Variants in NLRC5 observed in about 807,000 individuals in gnomAD.
The protein encoded by NLRC5 is NLR family CARD domain containing 5.
A neutral mutation model predicts 206.9 loss-of-function variants in NLRC5; 114 were observed. The ratio of observed to expected loss-of-function variants is 0.55; its 90% confidence interval spans 0.47 to 0.64. The LOEUF (loss-of-function observed/expected upper bound fraction) is 0.64, where lower values mean the gene tolerates loss of function less well. Among genes scored for constraint, NLRC5 ranks in the 30% least tolerant of loss-of-function variants. The probability of loss-of-function intolerance (pLI) is 0.00; values close to 1 mark genes in which losing one functional copy is unlikely to be tolerated. For synonymous variants in NLRC5, 952 were observed against 962.8 expected (o/e 0.99, Z 0.21); for missense variants, 2,008 against 2,305.5 (o/e 0.87, Z 2.64).
At chr16:57,032,233 ACCC>A (rs1473374251) in intron 11 of NLRC5, among the ~76,000 whole-genome samples, 1 of 151,280 alleles carries the variant, frequency 6.6e-6, no homozygotes, top group African/African-American at 2.4e-5. Flanking sequence ...ACATAGCAAG[ACCC>A]CATCTCTAAA....
chr16:57,041,448 G>T, intron 17 of NLRC5, 37 bp from the exon 18 acceptor site: 1 of 1,578,224 alleles, frequency 6.3e-7, no homozygotes, highest in Non-Finnish European at 8.7e-7. Flanking sequence ...CCTCTGTTCA[G>T]TGGGGCATGC....
intron 38 of NLRC5, among the ~76,000 whole-genome samples, chr16:57,072,353 G>T (rs2067887938): frequency 6.6e-6 from 1 of 152,150 alleles, no homozygotes; most frequent in Non-Finnish European, 1.5e-5. Context: ...AATCACTGTG[G>T]CTGTGAGCAC....
intron 40 of NLRC5, 38 bp downstream of exon 40, chr16:57,076,940 T>C: frequency 6.3e-7 from 1 of 1,595,586 alleles, no homozygotes; most frequent in Non-Finnish European, 8.6e-7. Context: ...CAGGACAATT[T>C]TGGCCGGGAA....
rs199475974 is a variant in NLRC5 at position 57,026,568 on chromosome 16, C to A, written c.1625C>A (p.Thr542Asn). The A allele has an allele frequency of 6.2e-7, 1 of 1,614,204 alleles. No homozygotes were observed. Residue 542 changes from threonine (T) to asparagine (N), a missense_variant, in exon 6 of 49, where the codon ACC becomes AAC. By Grantham distance (65) the Thr-to-Asn change is moderately conservative. Coordinates refer to ENST00000688547, the MANE Select transcript of NLRC5 (RefSeq NM_001384950.1). Reference protein sequence around the residue: ...VNKDTLTQYVTLHSRWVQRTK... With the variant: ...VNKDTLTQYVNLHSRWVQRTK... ...AAAGACACACTTACCCAGTATGTTA[C>A]CCTCCATTCCCGCTGGGTACAGCGG...
chr16:57,079,016 C>A, intron 43 of NLRC5, 34 bp from the exon 44 acceptor site: 1 of 1,597,786 alleles, frequency 6.3e-7, no homozygotes, highest in South Asian at 1.1e-5. Flanking sequence ...ACGCCAGTCC[C>A]TCAGGCTCCT....
intron 1 of NLRC5, among the ~76,000 whole-genome samples, chr16:56,990,271 G>A (rs1567486621): frequency 6.6e-6 from 1 of 152,152 alleles, no homozygotes; most frequent in Non-Finnish European, 1.5e-5. Context: ...AGACAGCATA[G>A]CATCTCAACT....
intron 8 of NLRC5, among the ~76,000 whole-genome samples, chr16:57,028,655 CAGG>C: frequency 6.6e-6 from 1 of 152,304 alleles, no homozygotes; most frequent in Admixed American, 6.5e-5. Flanking sequence ...TCTGAAATCC[CAGG>C]AGAAGGGATA....
chr16:57,009,550 G>A (rs995552046), intron 1 of NLRC5, among the ~76,000 whole-genome samples: 3 of 151,766 alleles, frequency 2.0e-5, no homozygotes, highest in African/African-American at 4.8e-5. Context: ...CTGAGATCAC[G>A]CCACTGCACT....
chr16:57,040,844 A>G (rs2063189660), intron 17 of NLRC5, 126 bp downstream of exon 17: 3 of 896,558 alleles, frequency 3.3e-6, no homozygotes, highest in Non-Finnish European at 5.3e-6. Context: ...TGCTGTGTCC[A>G]GGGGTCATGG....
intron 14 of NLRC5, among the ~76,000 whole-genome samples, 200 bp downstream of exon 14, chr16:57,036,383 C>A (rs1597288190): frequency 6.6e-6 from 1 of 152,236 alleles, no homozygotes; most frequent in East Asian, 1.9e-4. Flanking sequence ...TCATCTAGCA[C>A]CCTTACATGT....
Position 57,026,942 on chromosome 16 carries a change from C to G in NLRC5, c.1999C>G (p.Leu667Val), listed in dbSNP as rs1182428137. 1.2e-6 allele frequency: 2 copies of G among 1,614,160 alleles called. No homozygotes were observed. The highest frequency in any genetic ancestry group is 2.2e-5 in the South Asian group (2 of 91,082). The change falls in exon 6 of 49, where the codon CTG (leucine) becomes GTG (valine). Residue 667 changes from leucine (L) to valine (V), a missense_variant. Leu to Val is a conservative substitution (Grantham distance 32). Transcript: ENST00000688547. The stretch of plus-strand genomic sequence containing the variant: ...AGAGCACAGGGAGGCCCCCATCCAC[C>G]TGGATTTTGATGGCTGTCCCCTGGA... ...ILEHREAPIH[L>V]DFDGCPLEPH...
chr16:57,013,230 T>C, intron 1 of NLRC5: 1 of 505,552 alleles, frequency 2.0e-6, no homozygotes, highest in East Asian at 4.8e-5. Context: ...AAATCCTTGG[T>C]AAAGCCACAT....
At position 57,026,562 on chromosome 16, in the gene NLRC5, A is replaced by G. The variant is rs199912823; in HGVS notation, c.1619A>G (p.Tyr540Cys). ...PKVNKDTLTQYVTLHSRWVQR... is the reference protein window; with the variant it reads ...PKVNKDTLTQCVTLHSRWVQR... ...GTGAACAAAGACACACTTACCCAGT[A>G]TGTTACCCTCCATTCCCGCTGGGTA... Residue 540 changes from tyrosine (Y) to cysteine (C), a missense_variant, in exon 6 of 49, where the codon TAT (tyrosine) becomes TGT (cysteine). Tyr to Cys is a radical substitution (Grantham distance 194). Coordinates refer to ENST00000688547, the MANE Select transcript of NLRC5 (RefSeq NM_001384950.1). The G allele has an allele frequency of 5.5e-4, 889 of 1,614,190 alleles. No homozygotes were observed. The highest frequency in any genetic ancestry group is 7.1e-4 in the Non-Finnish European group (833 of 1,180,030).
intron 27 of NLRC5, among the ~76,000 whole-genome samples, chr16:57,055,769 C>G (rs2065577053): frequency 1.3e-5 from 2 of 152,174 alleles, no homozygotes; most frequent in Admixed American, 1.3e-4. Flanking sequence ...AGCCCTCAGC[C>G]TCAAGTATGT....
At chr16:57,077,186 G>C (rs554429265) in intron 40 of NLRC5, 110 bp from the exon 41 acceptor site, 6 of 948,242 alleles carry the variant, frequency 6.3e-6, no homozygotes, top group Admixed American at 1.9e-5. Context: ...GGGGCTCTCT[G>C]TGTGAGTCGA....
In NLRC5 at chr16:57,067,390, G is replaced by T; in HGVS notation, c.4326G>T (p.Leu1442Phe). The change falls in exon 35 of 49, where the codon TTG becomes TTT. Residue 1442 changes from leucine to phenylalanine, a missense_variant. Transcript: ENST00000688547. The part of the protein sequence containing the change: ...EENPEAVALR[L>F]AHCDLGAHHS... ...TCGTCTCCCTGTCTGTGTCCAGGTTGGCTCACTGTGACCTTGGAGCCCACC... is the reference window on the plus strand; with the variant it reads ...TCGTCTCCCTGTCTGTGTCCAGGTTTGCTCACTGTGACCTTGGAGCCCACC... 6.2e-7 allele frequency: 1 copy of T among 1,614,146 alleles called. No homozygotes were observed. The highest frequency in any genetic ancestry group is 8.5e-7 in the Non-Finnish European group (1 of 1,179,950).
chr16:57,078,153 C>T, intron 43 of NLRC5, 133 bp downstream of exon 43: 1 of 640,758 alleles, frequency 1.6e-6, no homozygotes, highest in Admixed American at 3.3e-5. Context: ...CACTCTCCTG[C>T]CTGTTCCTTC....
At chr16:57,010,158 G>A (rs1467090995) in intron 1 of NLRC5, among the ~76,000 whole-genome samples, 24 of 152,152 alleles carry the variant, frequency 1.6e-4, no homozygotes, top group African/African-American at 5.8e-4. Context: ...TTTCGGACTT[G>A]GAAATTTTGA....
intron 1 of NLRC5, among the ~76,000 whole-genome samples, chr16:57,002,862 C>G (rs2058449038): frequency 1.3e-5 from 2 of 152,058 alleles, no homozygotes; most frequent in African/African-American, 4.8e-5. Flanking sequence ...CGAGGATGGT[C>G]TCAATCTCTT....
Sources: allele counts gnomAD v4.1 joint callset (sites outside exome capture counted in the v4.1 genomes callset), GRCh38; gene constraint gnomAD v4.1.1; transcripts MANE v1.5; gene names NCBI Gene and HGNC (gene_info 2026-07-23, HGNC 2026-07-21).